The following CNOT10 variants were observed in gnomAD, a reference collection of about 807,000 sequenced individuals.
CNOT10 encodes CCR4-NOT transcription complex subunit 10, also known as CCR4-NOT transcription complex, subunit 10.
CNOT10 carries 30 observed loss-of-function variants against 94.6 expected under a neutral mutation model. The observed-to-expected ratio is 0.32, with a 90% CI of 0.24 to 0.43. The LOEUF (loss-of-function observed/expected upper bound fraction) is 0.43. CNOT10 is among the 20% of genes least tolerant of loss of function. CNOT10 has a pLI of 1.00. For synonymous variants in CNOT10, 289 were observed against 301.6 expected, an observed-to-expected ratio of 0.96 and a Z score of 0.43; for missense variants, 759 against 877.2, an observed-to-expected ratio of 0.87 and a Z score of 1.70.
chr3:32,751,754 G>C (rs868053305), intron 13 of CNOT10, among the ~76,000 whole-genome samples: 4 of 152,276 alleles, frequency 2.6e-5, no homozygotes, highest in South Asian at 4.1e-4. Context: ...GAGGATTATG[G>C]CTAATAATCT....
chr3:32,719,339 G>C (rs182945223), intron 7 of CNOT10, among the ~76,000 whole-genome samples: 15 of 152,332 alleles, frequency 9.8e-5, no homozygotes, highest in East Asian at 7.7e-4. Flanking sequence ...AGAATTGTTT[G>C]AACCTAGGAG....
chr3:32,753,507 A>G (rs878964261), intron 13 of CNOT10: 8 of 1,569,746 alleles, frequency 5.1e-6, no homozygotes, highest in Non-Finnish European at 7.0e-6. Context: ...AACAGAGCAC[A>G]TTTAAAGTAG....
chr3:32,726,693 CCATAATAAT>C (rs1157423141), intron 9 of CNOT10, among the ~76,000 whole-genome samples: 5 of 82,862 alleles, frequency 6.0e-5, no homozygotes, highest in African/African-American at 6.7e-5. Context: ...GAGACTCTGT[CCATAATAAT>C]AATAATAATA....
At chr3:32,769,748 C>A in intron 17 of CNOT10, 139 bp from the exon 18 acceptor site, 1 of 661,062 alleles carries the variant, frequency 1.5e-6, no homozygotes. Context: ...CTCATCAGAG[C>A]AGAACAACAG....
At chr3:32,772,666 T>C (rs1038378979) in intron 18 of CNOT10, among the ~76,000 whole-genome samples, 6 of 152,064 alleles carry the variant, frequency 3.9e-5, no homozygotes, top group African/African-American at 4.8e-5. Flanking sequence ...CACTGCACTC[T>C]AGCCTGGGCC....
At chr3:32,690,974 G>T (rs1254306811) in intron 1 of CNOT10, among the ~76,000 whole-genome samples, 1 of 147,468 alleles carries the variant, frequency 6.8e-6, no homozygotes. Flanking sequence ...TACCATATTT[G>T]CTTCCTCTAT....
At chr3:32,724,791 T>A (rs1470113977) in intron 8 of CNOT10, among the ~76,000 whole-genome samples, 3 of 151,474 alleles carry the variant, frequency 2.0e-5, no homozygotes, top group Non-Finnish European at 2.9e-5. Flanking sequence ...ACTCCTGACC[T>A]CAAGTGATCC....
intron 11 of CNOT10, among the ~76,000 whole-genome samples, chr3:32,734,536 T>A (rs1699095360): frequency 6.6e-6 from 1 of 152,214 alleles, no homozygotes; most frequent in Non-Finnish European, 1.5e-5. Flanking sequence ...GTGATATACA[T>A]CAAATTATCT....
At chr3:32,762,024 G>A (rs1394843273) in intron 14 of CNOT10, among the ~76,000 whole-genome samples, 1 of 150,076 alleles carries the variant, frequency 6.7e-6, no homozygotes, top group African/African-American at 2.5e-5. Flanking sequence ...TGCCATCTTG[G>A]CCTCCCAAAG....
intron 8 of CNOT10, among the ~76,000 whole-genome samples, chr3:32,724,514 G>A (rs188281886): frequency 0.035 from 5,244 of 151,100 alleles, 136 homozygotes; most frequent in Middle Eastern, 0.075. Context: ...CTGGGTTCCC[G>A]CCATTCTCCT....
intron 18 of CNOT10, among the ~76,000 whole-genome samples, chr3:32,770,511 G>C (rs1559522811): frequency 6.6e-6 from 1 of 151,592 alleles, no homozygotes; most frequent in African/African-American, 2.4e-5. Flanking sequence ...ATTTTTAGTA[G>C]AGACAGGGTT....
intron 12 of CNOT10, 86 bp from the exon 13 acceptor site, chr3:32,737,324 T>G (rs922618808): frequency 1.2e-6 from 1 of 864,186 alleles, no homozygotes; most frequent in Non-Finnish European, 1.8e-6. Context: ...AAAAAAAAAG[T>G]TGGGAGTAAG....
chr3:32,755,341 A>G (rs112788726), intron 13 of CNOT10, among the ~76,000 whole-genome samples: 7,355 of 129,858 alleles, frequency 0.057, 223 homozygotes, highest in Middle Eastern at 0.097. Flanking sequence ...TTTTTGAGAC[A>G]GAGTTTCGCT....
chr3:32,761,973 T>C (rs1700468024), intron 14 of CNOT10, among the ~76,000 whole-genome samples: 1 of 151,118 alleles, frequency 6.6e-6, no homozygotes, highest in South Asian at 2.1e-4. Context: ...GGTTTCTCCA[T>C]GTTGGTCAGG....
Position 32,733,442 on chromosome 3 carries a change from A to G in CNOT10, c.1235A>G (p.Lys412Arg). The G allele has an allele frequency of 6.3e-7, 1 of 1,593,366 alleles. No individual in the cohort carries two copies. The highest frequency in any genetic ancestry group is 8.6e-7 in the Non-Finnish European group (1 of 1,167,900). Reference protein sequence around the residue: ...ANKGTSEQETKGLPSKKGIVQ... With the variant: ...ANKGTSEQETRGLPSKKGIVQ... ...TTGTAGACTTCTGAACAAGAAACTA[A>G]AGGCCTTCCCAGCAAAAAAGGAATT... Residue 412 changes from lysine (K) to arginine (R), a missense_variant, in exon 11 of 19, where the codon AAA becomes AGA. Physicochemically the swap from Lys to Arg is conservative, Grantham distance 26. Coordinates refer to ENST00000328834, the MANE Select transcript of CNOT10 (RefSeq NM_015442.3).
At chr3:32,739,194 C>T (rs1245491631) in intron 13 of CNOT10, among the ~76,000 whole-genome samples, 1 of 152,244 alleles carries the variant, frequency 6.6e-6, no homozygotes, top group East Asian at 1.9e-4. Flanking sequence ...GCATGAGCCA[C>T]TGCGCCCGGC....
intron 5 of CNOT10, among the ~76,000 whole-genome samples, chr3:32,715,274 T>C (rs1273288005): frequency 6.6e-6 from 1 of 151,980 alleles, no homozygotes; most frequent in Non-Finnish European, 1.5e-5. Context: ...TCAAAGGAAT[T>C]TGGATGTTTG....
chr3:32,713,207 C>T lies in CNOT10; in HGVS notation c.431-20C>T. On this transcript the variant is annotated intron_variant, in intron 4 of 18. Coordinates refer to ENST00000328834, the MANE Select transcript of CNOT10 (RefSeq NM_015442.3). Reference sequence around the variant, plus strand: ...TACTTTAGGTTGTGACTATTCTTTTCTGTGTTTTTTTTCTCCCAGAAGAAA... The same window carrying T: ...TACTTTAGGTTGTGACTATTCTTTTTTGTGTTTTTTTTCTCCCAGAAGAAA... 1 of 1,557,020 alleles carries T rather than the reference C, an allele frequency of 6.4e-7. No homozygotes were observed. The highest frequency in any genetic ancestry group is 2.3e-5 in the East Asian group (1 of 42,786).
intron 4 of CNOT10, among the ~76,000 whole-genome samples, chr3:32,712,133 G>T (rs76275188): frequency 0.062 from 9,257 of 149,836 alleles, 330 homozygotes; most frequent in African/African-American, 0.091. Flanking sequence ...ATACCTTGCT[G>T]CTTTTGCTTC....
Sources: gnomAD v4.1 joint callset for allele counts (sites outside exome capture counted in the v4.1 genomes callset) on GRCh38, gnomAD v4.1.1 for gene constraint, MANE v1.5 for transcripts, NCBI Gene and HGNC (gene_info 2026-07-23, HGNC 2026-07-21) for gene names.